MBD5: variants seen among roughly 807,000 people sequenced by gnomAD.
MBD5 encodes the protein methyl-CpG-binding domain protein 5.
MBD5 carries 13 observed loss-of-function variants against 117.3 expected under a neutral mutation model. The observed-to-expected ratio is 0.11, with a 90% CI of 0.07 to 0.18. MBD5 has a LOEUF of 0.18. Ranked by LOEUF, MBD5 falls within the 10% of genes least tolerant of loss-of-function variation. The pLI is 1.00. For synonymous variants in MBD5, 727 were observed against 766.4 expected (o/e 0.95, Z 0.85); for missense variants, 1,879 against 2,093.8 (o/e 0.90, Z 2.00).
chr2:148,280,019 A>T (rs1443955699), intron 3 of MBD5, among the ~76,000 whole-genome samples: 1 of 149,992 alleles, frequency 6.7e-6, no homozygotes, highest in East Asian at 2.0e-4. Flanking sequence ...TCCTCCTTTC[A>T]TGACATCTGT....
At position 148,469,536 on chromosome 2, in the gene MBD5, T is replaced by C. The variant is rs1413385306; in HGVS notation, c.1593T>C (p.Asn531=). ...IPNPLIAGIS[N]VLNTPSSAAF... is the part of the protein sequence containing the mutation. ...ACCCATTAATTGCTGGAATAAGTAA[T>C]GTACTAAATACCCCAAGCAGTGCAG... Residue 531 remains asparagine, a synonymous_variant, in exon 8 of 14, where the codon AAT becomes AAC. Coordinates refer to ENST00000642680, the MANE Select transcript of MBD5 (RefSeq NM_001378120.1). 6.2e-7 allele frequency: 1 copy of C among 1,613,794 alleles called. No individual in the cohort carries two copies. The highest frequency in any genetic ancestry group is 8.5e-7 in the Non-Finnish European group (1 of 1,179,920).
intron 1 of MBD5, among the ~76,000 whole-genome samples, chr2:148,116,664 A>T (rs193299548): frequency 7.9e-5 from 12 of 152,292 alleles, no homozygotes; most frequent in Admixed American, 5.2e-4. Context: ...TCCTCTCCAT[A>T]TAACTGAAAA....
At chr2:148,170,148 C>T (rs1215025811) in intron 1 of MBD5, among the ~76,000 whole-genome samples, 2 of 152,204 alleles carry the variant, frequency 1.3e-5, no homozygotes, top group Admixed American at 6.5e-5. Context: ...CTGCCCGTCT[C>T]GGCTTCCCAA....
intron 2 of MBD5, among the ~76,000 whole-genome samples, chr2:148,221,711 G>A (rs1005634744): frequency 1.3e-5 from 2 of 151,974 alleles, no homozygotes; most frequent in African/African-American, 4.8e-5. Context: ...TCTTTGTGGT[G>A]TCTCTTCACT....
intron 1 of MBD5, among the ~76,000 whole-genome samples, chr2:148,101,983 T>C (rs1173589042): frequency 6.6e-6 from 1 of 152,172 alleles, no homozygotes; most frequent in African/African-American, 2.4e-5. Flanking sequence ...AGTCTCAAAT[T>C]AATCCTTTTC....
intron 11 of MBD5, among the ~76,000 whole-genome samples, chr2:148,490,996 C>A (rs903664088): frequency 6.6e-6 from 1 of 152,150 alleles, no homozygotes; most frequent in Non-Finnish European, 1.5e-5. Context: ...GGGGTAAGGA[C>A]CCCCCAGGCA....
At chr2:148,156,954 T>C (rs1697891110) in intron 1 of MBD5, among the ~76,000 whole-genome samples, 1 of 152,196 alleles carries the variant, frequency 6.6e-6, no homozygotes, top group South Asian at 2.1e-4. Flanking sequence ...TCCTGGCACA[T>C]AGAAAGATAC....
Position 148,206,218 on chromosome 2 carries a change from A to G in MBD5, c.-830-27027A>G, listed in dbSNP as rs534235846. Among the ~76,000 whole-genome samples, 17 of 152,282 alleles carry G rather than the reference A, an allele frequency of 1.1e-4. No homozygotes were observed. In the South Asian group the frequency reaches 3.5e-3, roughly 32 times the overall value. ...TATATATGTATACAGAGAGAAAACA[A>G]AATAACAGAATGAAGAACAATTCTT... is the stretch of plus-strand genomic sequence containing the variant. On this transcript the variant is annotated intron_variant, in intron 2 of 13. Coordinates refer to ENST00000642680, the MANE Select transcript of MBD5 (RefSeq NM_001378120.1).
At chr2:148,434,960 C>T (rs560381923) in intron 4 of MBD5, among the ~76,000 whole-genome samples, 3 of 152,042 alleles carry the variant, frequency 2.0e-5, no homozygotes, top group South Asian at 2.1e-4. Flanking sequence ...AGAGTTAGGT[C>T]TTCTTGTGGA....
chr2:148,312,066 C>T (rs1193571494), intron 3 of MBD5, among the ~76,000 whole-genome samples: 1 of 152,192 alleles, frequency 6.6e-6, no homozygotes, highest in African/African-American at 2.4e-5. Context: ...ACCTTTCACT[C>T]TGGCTGCCCT....
At chr2:148,407,463 A>G (rs1409331172) in intron 4 of MBD5, among the ~76,000 whole-genome samples, 2 of 152,076 alleles carry the variant, frequency 1.3e-5, no homozygotes, top group African/African-American at 2.4e-5. Context: ...CATAATTTAT[A>G]TAGTAGTAAG....
At chr2:148,471,263 A>G (rs1051993001) in intron 8 of MBD5, 1 of 152,152 alleles carries the variant, frequency 6.6e-6, no homozygotes, top group African/African-American at 2.4e-5. Context: ...AAGTAGGCAT[A>G]TTAGAAAAAG....
chr2:148,141,203 C>T (rs1375909016), intron 1 of MBD5, among the ~76,000 whole-genome samples: 1 of 152,162 alleles, frequency 6.6e-6, no homozygotes, highest in Non-Finnish European at 1.5e-5. Flanking sequence ...GGAAAACCTA[C>T]TCAATGTAAA....
chr2:148,465,171 A>G (rs1043836895), intron 7 of MBD5, among the ~76,000 whole-genome samples: 2 of 152,110 alleles, frequency 1.3e-5, no homozygotes, highest in African/African-American at 2.4e-5. Context: ...TTCAGGCTAA[A>G]CACATTTTGC....
chr2:148,239,686 T>TACACACACAC (rs34980624), intron 3 of MBD5, among the ~76,000 whole-genome samples: 11,830 of 141,446 alleles, frequency 0.084, 721 homozygotes, highest in Non-Finnish European at 0.1. Flanking sequence ...TTTATTTACT[T>TACACACACAC]ACACACACAC....
intron 7 of MBD5, 50 bp downstream of exon 7, chr2:148,463,969 A>G: frequency 1.9e-6 from 3 of 1,581,066 alleles, no homozygotes; most frequent in African/African-American, 1.4e-5. Flanking sequence ...CTAGAGAAGG[A>G]GTTGCTAGAA....
At chr2:148,057,250 G>T (rs1397454902) in intron 1 of MBD5, among the ~76,000 whole-genome samples, 1 of 150,984 alleles carries the variant, frequency 6.6e-6, no homozygotes, top group Non-Finnish European at 1.5e-5. Flanking sequence ...TTTTAATTTT[G>T]CTTTATTCAT....
At chr2:148,200,462 C>G (rs1205223835) in intron 2 of MBD5, among the ~76,000 whole-genome samples, 1 of 152,052 alleles carries the variant, frequency 6.6e-6, no homozygotes, top group Non-Finnish European at 1.5e-5. Context: ...GAGCCCCAGG[C>G]AGGCAGATCA....
chr2:148,438,833 T>G (rs1706231722), intron 4 of MBD5, among the ~76,000 whole-genome samples: 1 of 152,162 alleles, frequency 6.6e-6, no homozygotes, highest in South Asian at 2.1e-4. Flanking sequence ...TTTGTATTAC[T>G]TCTCTCTAGG....
Sources: gnomAD v4.1 joint callset for allele counts (sites outside exome capture counted in the v4.1 genomes callset) on GRCh38, gnomAD v4.1.1 for gene constraint, MANE v1.5 for transcripts, NCBI Gene and HGNC (gene_info 2026-07-23, HGNC 2026-07-21) for gene names.